Variants in ABHD2 observed in about 807,000 individuals in gnomAD.
ABHD2 encodes the protein abhydrolase domain containing 2, acylglycerol lipase.
A neutral mutation model predicts 48.1 loss-of-function variants in ABHD2; 20 were observed. The ratio of observed to expected loss-of-function variants is 0.42; its 90% CI spans 0.29 to 0.60. The LOEUF (loss-of-function observed/expected upper bound fraction) is 0.60, where lower values mean the gene tolerates loss of function less well. Ranked by LOEUF, ABHD2 falls within the 20% of genes least tolerant of loss-of-function variation. The pLI is 0.24. For synonymous variants in ABHD2, 209 were observed against 214.2 expected (o/e 0.98, Z 0.21); for missense variants, 405 against 550.9 (o/e 0.74, Z 2.65).
chr15:89,160,961 A>T (rs2150904644), intron 5 of ABHD2, among the ~76,000 whole-genome samples: 1 of 152,370 alleles, frequency 6.6e-6, no homozygotes, highest in East Asian at 1.9e-4. Flanking sequence ...TTATAAATTA[A>T]TGTGGAAAAA....
rs2051217435 is a variant in ABHD2 at position 89,186,757 on chromosome 15, G to A, written c.815+1241G>A. ...TTGGGGGATTTTTGGTATCACCCTA[G>A]AAAAAGCAATCTGACTAAATGATCA... On this transcript the variant is annotated intron_variant, in intron 7 of 10. Transcript: ENST00000352732. This position sits in a 1 kb window ranked among gnomAD's most constrained non-coding sequence, Gnocchi z 4.3. Among the ~76,000 whole-genome samples, 2 of 152,168 alleles carry A rather than the reference G, an allele frequency of 1.3e-5. No individual in the cohort carries two copies. Among genetic ancestry groups the A allele is most frequent in the Non-Finnish European group, 2.9e-5 (2 of 68,030 alleles).
At position 89,151,508 on chromosome 15, in the gene ABHD2, A is replaced by G. The variant is rs1038485011; in HGVS notation, c.195-169A>G. ...TGCAGAGTGTATTAGTAAATGGGGA[A>G]AGGCGGTAAATCATGGCACGGATGT... On this transcript the variant is annotated intron_variant, in intron 3 of 10. Transcript: ENST00000352732. The surrounding 1 kb of genome is among the most constrained non-coding windows in gnomAD (Gnocchi z 4.7). Among the ~76,000 whole-genome samples, 1 of 152,210 alleles carries G rather than the reference A, an allele frequency of 6.6e-6. No homozygotes were observed. Among genetic ancestry groups the G allele is most frequent in the Non-Finnish European group, 1.5e-5 (1 of 68,040 alleles).
At chr15:89,193,444 C>A in intron 10 of ABHD2, 125 bp downstream of exon 10, 1 of 775,680 alleles carries the variant, frequency 1.3e-6, no homozygotes, top group Non-Finnish European at 2.2e-6. Context: ...TCATAGCAGT[C>A]AGTGTTCTTA....
the ABHD2 span, among the ~76,000 whole-genome samples, chr15:89,055,159 C>T: frequency 3.8e-4 from 58 of 152,288 alleles, no homozygotes; most frequent in Admixed American, 2.9e-3. Context: ...GATTGCGCCA[C>T]TGTACTTCAA....
chr15:89,127,718 T>TATAC (rs1282212358), intron 3 of ABHD2, among the ~76,000 whole-genome samples: 9 of 82,256 alleles, frequency 1.1e-4, no homozygotes, highest in African/African-American at 3.9e-4. Flanking sequence ...TATATATATA[T>TATAC]ACACATATAT....
At chr15:89,180,548 G>A (rs2051092338) in intron 6 of ABHD2, among the ~76,000 whole-genome samples, 1 of 152,230 alleles carries the variant, frequency 6.6e-6, no homozygotes, top group Non-Finnish European at 1.5e-5. Flanking sequence ...TGAACTAGCT[G>A]GAGATGATGA....
At position 89,155,954 on chromosome 15, in the gene ABHD2, G is replaced by C. The variant is rs1350642170; in HGVS notation, c.538+420G>C. On this transcript the variant is annotated intron_variant, in intron 5 of 10. Transcript: ENST00000352732. The surrounding 1 kb of genome is among the most constrained non-coding windows in gnomAD (Gnocchi z 4.9). ...GTGAATGTCAGTGGGAAGGGAGCCTGGCACAGTAGCAACTCACTGGATTTT... is the reference window on the plus strand; with the variant it reads ...GTGAATGTCAGTGGGAAGGGAGCCTCGCACAGTAGCAACTCACTGGATTTT... Among the ~76,000 whole-genome samples the C allele has an allele frequency of 6.6e-6, 1 of 152,158 alleles. No individual in the cohort carries two copies. Among genetic ancestry groups the C allele is most frequent in the Non-Finnish European group, 1.5e-5 (1 of 68,032 alleles).
chr15:89,129,648 A>C (rs1250432974), intron 3 of ABHD2, among the ~76,000 whole-genome samples: 1 of 152,174 alleles, frequency 6.6e-6, no homozygotes, highest in Non-Finnish European at 1.5e-5. Context: ...GGGAATCCAG[A>C]GTCCAGATCA....
chr15:89,160,586 T>C (rs2050747564), intron 5 of ABHD2, among the ~76,000 whole-genome samples: 1 of 152,178 alleles, frequency 6.6e-6, no homozygotes, highest in Non-Finnish European at 1.5e-5. Flanking sequence ...GACTAGATTA[T>C]GCTGTGGAAA....
rs1596103782 is a variant in ABHD2 at position 89,137,263 on chromosome 15, G to C, written c.195-14414G>C. Among the ~76,000 whole-genome samples the C allele has an allele frequency of 6.6e-6, 1 of 152,194 alleles. No individual in the cohort carries two copies. The highest frequency in any genetic ancestry group is 1.5e-5 in the Non-Finnish European group (1 of 68,040). On this transcript the variant is annotated intron_variant, in intron 3 of 10. Coordinates refer to ENST00000352732, the MANE Select transcript of ABHD2 (RefSeq NM_152924.5). The surrounding 1 kb of genome is among the most constrained non-coding windows in gnomAD (Gnocchi z 4.8). ...GCTTTGGTGTGCCTAGGGAGGATGT[G>C]ACCAGTTCCGCGTGCTGTTTGTGAA... is the stretch of plus-strand genomic sequence containing the variant.
chr15:89,201,760 G>A lies in ABHD2; in HGVS notation c.*6337G>A. 1 of 1,536,078 alleles carries A rather than the reference G, an allele frequency of 6.5e-7. No homozygotes were observed. The highest frequency in any genetic ancestry group is 1.7e-5 in the Admixed American group (1 of 59,920). On this transcript the variant is annotated 3_prime_UTR_variant, in exon 11 of 11. Coordinates refer to ENST00000352732, the MANE Select transcript of ABHD2 (RefSeq NM_152924.5). ...AGGTCTATGGGCGGGTCGAGGACCA[G>A]GATCTGCTCGTGCTTCGCCGTGGCC...
the ABHD2 span, among the ~76,000 whole-genome samples, chr15:89,060,499 A>G: frequency 6.6e-6 from 1 of 152,132 alleles, no homozygotes; most frequent in East Asian, 1.9e-4. Flanking sequence ...AAACCTAAGG[A>G]CTTATCTGCC....
chr15:89,069,122 C>CT, the ABHD2 span, among the ~76,000 whole-genome samples: 37,974 of 124,704 alleles, frequency 0.3, 6,954 homozygotes, highest in African/African-American at 0.41. Context: ...CTTTTCTTTT[C>CT]TTTTTTTTTT....
chr15:89,064,157 C>T, the ABHD2 span, among the ~76,000 whole-genome samples: 1 of 151,430 alleles, frequency 6.6e-6, no homozygotes, highest in African/African-American at 2.4e-5. Context: ...TAAGCTTCAT[C>T]CATGTTATAG....
chr15:89,047,193 G>A, the ABHD2 span, among the ~76,000 whole-genome samples: 1 of 152,144 alleles, frequency 6.6e-6, no homozygotes, highest in Non-Finnish European at 1.5e-5. Flanking sequence ...CAGTTTCCAT[G>A]TAGTTGAGCG....
In ABHD2 at chr15:89,100,859, C is replaced by A. The variant is rs1236676015; in HGVS notation, c.-107+12296C>A. ...CTCCACCCTGGGCCACAGTGAGAGA[C>A]TCCATCTCAAAAAAAAAGGAACCTT... On this transcript the variant is annotated intron_variant, in intron 1 of 10. Coordinates refer to ENST00000352732, the MANE Select transcript of ABHD2 (RefSeq NM_152924.5). This position sits in a 1 kb window ranked among gnomAD's most constrained non-coding sequence, Gnocchi z 4.4. Among the ~76,000 whole-genome samples, 2 of 151,922 alleles carry A rather than the reference C, an allele frequency of 1.3e-5. No homozygotes were observed. The highest frequency in any genetic ancestry group is 3.9e-4 in the East Asian group (2 of 5,176).
chr15:89,090,963 G>T (rs1249817037), intron 1 of ABHD2, among the ~76,000 whole-genome samples: 1 of 152,244 alleles, frequency 6.6e-6, no homozygotes, highest in African/African-American at 2.4e-5. Context: ...CCTGGCAGAA[G>T]CAAAAGTGTG....
chr15:89,057,468 C>G, the ABHD2 span, among the ~76,000 whole-genome samples: 2 of 152,254 alleles, frequency 1.3e-5, no homozygotes, highest in Non-Finnish European at 2.9e-5. Context: ...CTCTGGAACT[C>G]CAAGGATTGA....
the ABHD2 span, among the ~76,000 whole-genome samples, chr15:89,069,097 C>A: frequency 2.2e-5 from 3 of 138,554 alleles, no homozygotes; most frequent in Non-Finnish European, 3.0e-5. Flanking sequence ...GTCTGGCAAG[C>A]TCTTTTTTTC....
Sources: allele counts gnomAD v4.1 joint callset (sites outside exome capture counted in the v4.1 genomes callset), GRCh38; gene constraint gnomAD v4.1.1; non-coding constraint Gnocchi (gnomAD v3.1); transcripts MANE v1.5; gene names NCBI Gene and HGNC (gene_info 2026-07-23, HGNC 2026-07-21).